Variants in CRYBG1 observed in about 807,000 individuals in gnomAD.
CRYBG1 encodes beta/gamma crystallin domain-containing protein 1.
Under a neutral mutation model 189.2 loss-of-function variants are expected in CRYBG1, and 139 were observed. The observed-to-expected ratio is 0.73, with a 90% confidence interval of 0.64 to 0.85. The LOEUF is 0.85. CRYBG1 is among the 40% of genes least tolerant of loss of function. CRYBG1 has a pLI of 0.00. For missense variants in CRYBG1, 2,611 were observed against 2,675.8 expected, an observed-to-expected ratio of 0.98 and a Z score of 0.53; for synonymous variants, 1,023 against 1,017.1, an observed-to-expected ratio of 1.01 and a Z score of -0.11.
intron 16 of CRYBG1, among the ~76,000 whole-genome samples, chr6:106,554,732 C>G (rs1321742039): frequency 6.6e-6 from 1 of 152,182 alleles, no homozygotes; most frequent in African/African-American, 2.4e-5. Flanking sequence ...ACCTCCAGTC[C>G]TGTGCATGTT....
At chr6:106,494,310 T>C (rs1772793239) in intron 2 of CRYBG1, among the ~76,000 whole-genome samples, 1 of 152,222 alleles carries the variant, frequency 6.6e-6, no homozygotes. Flanking sequence ...AGATCTATTC[T>C]ACAGCAATGT....
chr6:106,388,285 A>T (rs1239607394), intron 1 of CRYBG1, among the ~76,000 whole-genome samples: 1 of 152,132 alleles, frequency 6.6e-6, no homozygotes, highest in Non-Finnish European at 1.5e-5. Flanking sequence ...GCACCTCCCA[A>T]ATTTTCTAGG....
chr6:106,478,187 C>A (rs1463783326), intron 2 of CRYBG1, among the ~76,000 whole-genome samples: 1 of 152,186 alleles, frequency 6.6e-6, no homozygotes, highest in Admixed American at 6.5e-5. Context: ...TATATCCGCG[C>A]ACCACATCAA....
chr6:106,390,294 A>G lies in CRYBG1; in HGVS notation c.173+29213A>G, dbSNP rs193134679. ...GTACCAAAGCAGGAAATAGGATTAC[A>G]AAAGTTACCATTGGTTCTTTGGCAC... On this transcript the variant is annotated intron_variant, in intron 1 of 21. Coordinates refer to ENST00000633556, the MANE Select transcript of CRYBG1 (RefSeq NM_001371242.2). Among the ~76,000 whole-genome samples the G allele has an allele frequency of 2.2e-3, 340 of 152,270 alleles. 1 individual carries two copies. Among genetic ancestry groups the G allele is most frequent in the African/African-American group, 7.9e-3 (330 of 41,560 alleles).
intron 1 of CRYBG1, among the ~76,000 whole-genome samples, chr6:106,431,939 G>C (rs1049451746): frequency 1.3e-5 from 2 of 152,130 alleles, no homozygotes; most frequent in African/African-American, 4.8e-5. Flanking sequence ...AGGCTATGTT[G>C]ACATGGAGGG....
Position 106,511,771 on chromosome 6 carries a change from T to G in CRYBG1, c.654T>G (p.Ser218Arg). Residue 218 changes from serine (S) to arginine (R), a missense_variant, in exon 3 of 22, where the codon AGT (serine) becomes AGG (arginine). Ser to Arg is a moderately radical substitution (Grantham distance 110). Around this residue, in one of 3 missense-constraint regions of CRYBG1, gnomAD observed 985 missense variants for 924.4 expected, o/e 1.07. Coordinates refer to ENST00000633556, the MANE Select transcript of CRYBG1 (RefSeq NM_001371242.2). ...DAELSPRWSS[S>R]AAAVAVQQCH... ...AGCTGTCACCTCGCTGGAGCAGCAG[T>G]GCAGCGGCTGTGGCTGTGCAGCAGT... is the stretch of plus-strand genomic sequence containing the variant. 1.3e-6 allele frequency: 2 copies of G among 1,534,772 alleles called. No individual in the cohort carries two copies. The highest frequency in any genetic ancestry group is 2.4e-5 in the South Asian group (2 of 83,920).
intron 2 of CRYBG1, among the ~76,000 whole-genome samples, chr6:106,479,021 G>A (rs1772390345): frequency 1.3e-5 from 2 of 152,170 alleles, no homozygotes; most frequent in South Asian, 4.1e-4. Flanking sequence ...CTTTCACTTA[G>A]TATAACATTT....
chr6:106,424,983 T>C (rs1306922146), intron 1 of CRYBG1, among the ~76,000 whole-genome samples: 1 of 152,302 alleles, frequency 6.6e-6, no homozygotes, highest in African/African-American at 2.4e-5. Flanking sequence ...AGGTGCCTCC[T>C]TTCTCTGAGC....
At chr6:106,405,538 G>T (rs1296393079) in intron 1 of CRYBG1, among the ~76,000 whole-genome samples, 1 of 152,256 alleles carries the variant, frequency 6.6e-6, no homozygotes, top group Non-Finnish European at 1.5e-5. Flanking sequence ...GCTCTGCTAA[G>T]GGACAGACTG....
In CRYBG1 at chr6:106,555,817, G is replaced by A; in HGVS notation, c.5635G>A (p.Glu1879Lys). Residue 1879 changes from glutamate (E) to lysine (K), a missense_variant, in exon 17 of 22, where the codon GAA (glutamate) becomes AAA (lysine). By Grantham distance (56) the Glu-to-Lys change is moderately conservative. Coordinates refer to ENST00000633556, the MANE Select transcript of CRYBG1 (RefSeq NM_001371242.2). ...TTTCACTGGTAATCAATACGTGTTG[G>A]AAGAAGGCCATTATCCTTGTCTGTC... ...ENFTGNQYVL[E>K]EGHYPCLSAM... The A allele has an allele frequency of 6.2e-7, 1 of 1,614,188 alleles. No individual in the cohort carries two copies. Among genetic ancestry groups the A allele is most frequent in the Non-Finnish European group, 8.5e-7 (1 of 1,180,022 alleles).
chr6:106,451,757 T>C lies in CRYBG1; in HGVS notation c.237T>C (p.Cys79=). Residue 79 remains cysteine, a synonymous_variant, in exon 2 of 22, where the codon TGT becomes TGC. Transcript: ENST00000633556. ...ACTCCCAGGAATTTCCACTGCACTGTGGGGAATCCCAGTTCTTCCACACCA... is the reference window on the plus strand; with the variant it reads ...ACTCCCAGGAATTTCCACTGCACTGCGGGGAATCCCAGTTCTTCCACACCA... ...VRDSQEFPLH[C]GESQFFHTTS... 1 of 1,535,028 alleles carries C rather than the reference T, an allele frequency of 6.5e-7. No homozygotes were observed. Among genetic ancestry groups the C allele is most frequent in the Non-Finnish European group, 8.7e-7 (1 of 1,146,468 alleles).
chr6:106,468,113 T>TA (rs1166924902), intron 2 of CRYBG1, among the ~76,000 whole-genome samples: 2 of 151,934 alleles, frequency 1.3e-5, no homozygotes, highest in Non-Finnish European at 2.9e-5. Context: ...CAGTAGAAAG[T>TA]AAAAAGTAAA....
At chr6:106,363,112 C>T (rs1325283022) in intron 1 of CRYBG1, among the ~76,000 whole-genome samples, 1 of 150,712 alleles carries the variant, frequency 6.6e-6, no homozygotes, top group Non-Finnish European at 1.5e-5. Context: ...GGCATGGTGG[C>T]GCGCGCCTGT....
intron 21 of CRYBG1, among the ~76,000 whole-genome samples, chr6:106,566,557 C>G (rs1293569911): frequency 6.8e-6 from 1 of 147,494 alleles, no homozygotes; most frequent in African/African-American, 2.5e-5. Flanking sequence ...CTGCAACCTC[C>G]GCCTCCTGGG....
At chr6:106,524,440 C>A (rs942567188) in intron 4 of CRYBG1, among the ~76,000 whole-genome samples, 19 of 152,212 alleles carry the variant, frequency 1.2e-4, no homozygotes, top group Middle Eastern at 3.4e-3. Flanking sequence ...GTGGCACATG[C>A]CTGTAGTCCC....
chr6:106,496,936 T>C (rs1772864498), intron 2 of CRYBG1, among the ~76,000 whole-genome samples: 1 of 152,210 alleles, frequency 6.6e-6, no homozygotes, highest in African/African-American at 2.4e-5. Flanking sequence ...GCGCACAGGC[T>C]TGTCCACCCC....
chr6:106,546,362 G>A (rs1324773078), intron 13 of CRYBG1, among the ~76,000 whole-genome samples: 1 of 152,224 alleles, frequency 6.6e-6, no homozygotes, highest in Non-Finnish European at 1.5e-5. Context: ...CATTGGTTAT[G>A]CTGAAAGTGT....
At chr6:106,496,404 A>G (rs1431066956) in intron 2 of CRYBG1, among the ~76,000 whole-genome samples, 2 of 152,216 alleles carry the variant, frequency 1.3e-5, no homozygotes, top group Non-Finnish European at 2.9e-5. Flanking sequence ...TAATAACTAC[A>G]CTGACAAATC....
intron 21 of CRYBG1, among the ~76,000 whole-genome samples, chr6:106,565,403 C>G (rs1273406414): frequency 6.6e-6 from 1 of 152,072 alleles, no homozygotes; most frequent in African/African-American, 2.4e-5. Context: ...GAGAACGAAT[C>G]TGGACATTTT....
Sources: gnomAD v4.1 joint callset for allele counts (sites outside exome capture counted in the v4.1 genomes callset) on GRCh38, gnomAD v4.1.1 for gene constraint, gnomAD v4.1.1 regional missense constraint, MANE v1.5 for transcripts, NCBI Gene and HGNC (gene_info 2026-07-23, HGNC 2026-07-21) for gene names.